The following MIA2 variants were observed in gnomAD, a reference collection of about 807,000 sequenced individuals.
The protein encoded by MIA2 is MIA SH3 domain ER export factor 2.
Under a neutral mutation model 167.8 loss-of-function variants are expected in MIA2, and 127 were observed. The observed-to-expected ratio is 0.76, with a 90% CI of 0.66 to 0.88. The LOEUF is 0.88. MIA2 is among the 40% of genes least tolerant of loss of function. MIA2 has a pLI of 0.00. For synonymous variants in MIA2, 552 were observed against 541.9 expected (o/e 1.02, Z -0.26); for missense variants, 1,690 against 1,624.7 (o/e 1.04, Z -0.69).
intron 13 of MIA2, 76 bp from the exon 14 acceptor site, chr14:39,299,788 C>T: frequency 2.7e-6 from 4 of 1,456,980 alleles, no homozygotes; most frequent in Non-Finnish European, 3.6e-6. Context: ...TTTTAAGTAG[C>T]TACATAATGC....
chr14:39,358,111 C>A (rs1309684260), intron 23 of MIA2, among the ~76,000 whole-genome samples: 2 of 152,096 alleles, frequency 1.3e-5, no homozygotes, highest in South Asian at 4.1e-4. Flanking sequence ...CCTTGCTAGA[C>A]TGGGGAAGTT....
At chr14:39,319,148 T>A in intron 22 of MIA2, 61 bp from the exon 23 acceptor site, 1 of 936,244 alleles carries the variant, frequency 1.1e-6, no homozygotes, top group Non-Finnish European at 1.6e-6. Context: ...GGTAGAGGCA[T>A]TTTTTCTTGT....
intron 23 of MIA2, among the ~76,000 whole-genome samples, chr14:39,360,574 C>T (rs967452858): frequency 1.3e-5 from 2 of 151,702 alleles, no homozygotes; most frequent in Non-Finnish European, 2.9e-5. Flanking sequence ...GAATAGTTTG[C>T]ATATATTTTC....
At chr14:39,269,083 T>C in intron 6 of MIA2, 1 of 926,590 alleles carries the variant, frequency 1.1e-6, no homozygotes, top group Non-Finnish European at 1.3e-6. Context: ...AGTTTTTTTT[T>C]TTTTTTTTTT....
rs150803958 is a variant in MIA2, at chr14:39,347,503, A to T, written c.3779-210A>T. 458 of 547,734 alleles carry T rather than the reference A, an allele frequency of 8.4e-4. 1 individual carries two copies. The highest frequency in any genetic ancestry group is 8.2e-3 in the African/African-American group (418 of 50,926). 33.9% of individuals were successfully genotyped at this position (547,734 alleles called of 1,614,324 possible). ...GATTGCTTAGGAACTAGCCAGAGAAATAATTGCCACATGCCATCATAGAAC... is the reference window on the plus strand; with the variant it reads ...GATTGCTTAGGAACTAGCCAGAGAATTAATTGCCACATGCCATCATAGAAC... On this transcript the variant is annotated intron_variant, in intron 26 of 28. Coordinates refer to ENST00000640607, the MANE Select transcript of MIA2 (RefSeq NM_001329214.4).
At position 39,319,297 on chromosome 14, in the gene MIA2, CTTT is replaced by C. The variant is rs556166758; in HGVS notation, c.3367+15_3367+17del. 1.9e-5 allele frequency: 23 copies of C among 1,237,576 alleles called. No individual in the cohort carries two copies. Among genetic ancestry groups the C allele is most frequent in the African/African-American group, 4.8e-5 (3 of 62,546 alleles). 76.7% of individuals were successfully genotyped at this position (1,237,576 alleles called of 1,614,324 possible). A position where few individuals can be genotyped will look rare whatever the true frequency, so the allele number is the denominator to read the frequency against. On this transcript the variant is annotated splice_region_variant and intron_variant, in intron 23 of 28. Transcript: ENST00000640607. ...AAATACAGCATTTGGCAGAGGTAGTCTTTTTTTTTTTACCCCTCATTTAAAATA... is the reference window on the plus strand; with the variant it reads ...AAATACAGCATTTGGCAGAGGTAGTCTTTTTTTTACCCCTCATTTAAAATA...
intron 6 of MIA2, among the ~76,000 whole-genome samples, chr14:39,264,214 T>C (rs1171474280): frequency 6.6e-6 from 1 of 152,232 alleles, no homozygotes; most frequent in Non-Finnish European, 1.5e-5. Flanking sequence ...GTTTTCAGTT[T>C]CTACGTTAAT....
intron 25 of MIA2, among the ~76,000 whole-genome samples, chr14:39,344,563 G>A (rs1446662085): frequency 6.6e-6 from 1 of 152,138 alleles, no homozygotes; most frequent in African/African-American, 2.4e-5. Context: ...GACTCTCGTT[G>A]ATGCCAGGTG....
intron 24 of MIA2, among the ~76,000 whole-genome samples, chr14:39,321,651 C>T (rs1441211844): frequency 6.6e-6 from 1 of 151,798 alleles, no homozygotes; most frequent in Non-Finnish European, 1.5e-5. Flanking sequence ...TTTTTGACTT[C>T]TTAAAAACTA....
chr14:39,374,109 A>G (rs1387847865), intron 23 of MIA2, among the ~76,000 whole-genome samples: 6 of 152,242 alleles, frequency 3.9e-5, no homozygotes, highest in Non-Finnish European at 8.8e-5. Context: ...GGGACAGAAG[A>G]TAGAATGAAA....
chr14:39,321,481 T>G (rs903562049), intron 24 of MIA2, among the ~76,000 whole-genome samples: 3 of 150,346 alleles, frequency 2.0e-5, no homozygotes, highest in African/African-American at 7.3e-5. Context: ...GCCCGGCTAA[T>G]TTTTTTTTGT....
chr14:39,311,466 C>CTTTTTTTTTTTTT (rs35478238), intron 18 of MIA2, among the ~76,000 whole-genome samples: 1 of 43,322 alleles, frequency 2.3e-5, no homozygotes, highest in African/African-American at 9.3e-5. Context: ...TGATGTGTTG[C>CTTTTTTTTTTTTT]TTTTTTTTTT....
At chr14:39,266,234 A>C in intron 6 of MIA2, 1 of 985,460 alleles carries the variant, frequency 1.0e-6, no homozygotes, top group Non-Finnish European at 1.2e-6. Flanking sequence ...GAATATAATG[A>C]GAATGATCAT....
At chr14:39,265,236 T>G (rs1449030640) in intron 6 of MIA2, 5 of 633,172 alleles carry the variant, frequency 7.9e-6, no homozygotes, top group Non-Finnish European at 1.4e-5. Flanking sequence ...CAACTCCACC[T>G]GTAGCACCCC....
At chr14:39,236,851 C>A in intron 1 of MIA2, 71 bp from the exon 2 acceptor site, 2 of 1,392,788 alleles carry the variant, frequency 1.4e-6, no homozygotes, top group Non-Finnish European at 2.0e-6. Context: ...GATTGAGGGA[C>A]AGCAAGATGA....
At chr14:39,309,454 T>C (rs2063859831) in intron 18 of MIA2, among the ~76,000 whole-genome samples, 1 of 152,194 alleles carries the variant, frequency 6.6e-6, no homozygotes, top group Admixed American at 6.5e-5. Flanking sequence ...TTTTTGATGC[T>C]CTTCAGCACA....
At chr14:39,334,543 C>T (rs942535797) in intron 25 of MIA2, among the ~76,000 whole-genome samples, 5 of 147,482 alleles carry the variant, frequency 3.4e-5, no homozygotes, top group African/African-American at 5.0e-5. Context: ...TTTCAGTTAA[C>T]GAAATGATAA....
At chr14:39,258,803 CTTTG>C (rs752663153) in intron 6 of MIA2, among the ~76,000 whole-genome samples, 6 of 151,996 alleles carry the variant, frequency 3.9e-5, no homozygotes, top group Non-Finnish European at 5.9e-5. Context: ...GTTGATCTTG[CTTTG>C]TTTGTTAGTT....
chr14:39,266,712 G>A (rs967655719), intron 6 of MIA2: 4 of 985,444 alleles, frequency 4.1e-6, no homozygotes, highest in African/African-American at 3.5e-5. Flanking sequence ...TGGCTTCTCG[G>A]GGCTGCCGGG....
Sources: gnomAD v4.1 joint callset for allele counts (sites outside exome capture counted in the v4.1 genomes callset) on GRCh38, gnomAD v4.1.1 for gene constraint, MANE v1.5 for transcripts, NCBI Gene and HGNC (gene_info 2026-07-23, HGNC 2026-07-21) for gene names.